Variants in LDB2 observed in about 807,000 individuals in gnomAD.
The protein encoded by LDB2 is LIM domain binding 2, also known as LIM domain-binding protein 2.
LDB2 carries 12 observed loss-of-function variants against 44.3 expected under a neutral mutation model. The ratio of observed to expected loss-of-function variants is 0.27; its 90% CI spans 0.17 to 0.44. The LOEUF (loss-of-function observed/expected upper bound fraction) is 0.44. Ranked by LOEUF, LDB2 falls within the 20% of genes least tolerant of loss-of-function variation. The pLI, the probability that LDB2 is intolerant of heterozygous loss-of-function variation, is 1.00. For synonymous variants in LDB2, 164 were observed against 174.8 expected (o/e 0.94, Z 0.49); for missense variants, 344 against 473.5 (o/e 0.73, Z 2.54).
rs1385240583 is a variant in LDB2, at chr4:16,588,618, C to A, written c.531+92G>T. 3.1e-5 allele frequency: 42 copies of A among 1,343,042 alleles called. No homozygotes were observed. In the East Asian group the frequency reaches 9.5e-4, roughly 31 times the overall value. The allele number at this position is 1,343,042 out of a possible 1,614,324, so 83.2% of individuals were successfully genotyped here. On this transcript the variant is annotated intron_variant, in intron 4 of 7. Transcript: ENST00000304523. ...CTAAAGCGTGACAACTACTGGAATT[C>A]TTTCACAGAGAGAGGACTGGGTTTT...
intron 5 of LDB2, among the ~76,000 whole-genome samples, chr4:16,577,186 C>T (rs1712014444): frequency 6.6e-6 from 1 of 152,096 alleles, no homozygotes; most frequent in African/African-American, 2.4e-5. Context: ...AGGATGCCCA[C>T]TATTATCACT....
rs1579400109 is a variant in LDB2, at chr4:16,759,435, A to G, written c.133-175T>C. The stretch of plus-strand genomic sequence containing the variant: ...GTCACTCTTCAAATTAATTGCCTCA[A>G]ATAGGAACCAAATTCCAATTCAATA... On this transcript the variant is annotated intron_variant, in intron 1 of 7. Coordinates refer to ENST00000304523, the MANE Select transcript of LDB2 (RefSeq NM_001290.5). 5.1e-5 allele frequency: 29 copies of G among 569,968 alleles called. No individual in the cohort carries two copies. In the East Asian group the frequency reaches 7.0e-4, roughly 14 times the overall value. The allele number at this position is 569,968 out of a possible 1,614,324, so 35.3% of individuals were successfully genotyped here. A position where few individuals can be genotyped will look rare whatever the true frequency, so the allele number is the denominator to read the frequency against.
At chr4:16,806,961 T>C (rs1403170844) in intron 1 of LDB2, among the ~76,000 whole-genome samples, 1 of 152,222 alleles carries the variant, frequency 6.6e-6, no homozygotes, top group Non-Finnish European at 1.5e-5. Flanking sequence ...AAATGCTATA[T>C]ACACATTATT....
chr4:16,812,560 C>T (rs1191211238), intron 1 of LDB2, among the ~76,000 whole-genome samples: 2 of 137,290 alleles, frequency 1.5e-5, no homozygotes, highest in Non-Finnish European at 3.0e-5. Flanking sequence ...GTGATAAATA[C>T]TTGAGGCTGG....
chr4:16,695,304 G>A, intron 2 of LDB2, among the ~76,000 whole-genome samples: 1 of 151,966 alleles, frequency 6.6e-6, no homozygotes, highest in East Asian at 1.9e-4. Context: ...TGGGCGGTGG[G>A]CGGATCACCT....
intron 2 of LDB2, among the ~76,000 whole-genome samples, chr4:16,734,673 A>C (rs947093620): frequency 8.1e-5 from 12 of 149,042 alleles, no homozygotes; most frequent in African/African-American, 3.0e-4. Context: ...GATGAGGAAG[A>C]GCTGCTGCTG....
intron 1 of LDB2, among the ~76,000 whole-genome samples, chr4:16,816,575 A>AT (rs71181188): frequency 0.4 from 59,769 of 150,554 alleles, 12,345 homozygotes; most frequent in East Asian, 0.69. Flanking sequence ...CATCCAACTA[A>AT]TTTTTTTGTA....
chr4:16,828,497 G>A (rs1260641827), intron 1 of LDB2, among the ~76,000 whole-genome samples: 1 of 152,182 alleles, frequency 6.6e-6, no homozygotes, highest in Non-Finnish European at 1.5e-5. Context: ...ATGTGTGATT[G>A]TGTGTCTGTG....
intron 2 of LDB2, among the ~76,000 whole-genome samples, chr4:16,721,814 C>A (rs934738912): frequency 1.3e-5 from 2 of 151,972 alleles, no homozygotes; most frequent in Non-Finnish European, 2.9e-5. Context: ...AATCTAAAGC[C>A]GAAAGAGGGT....
At chr4:16,778,686 TTC>T (rs1483317915) in intron 1 of LDB2, among the ~76,000 whole-genome samples, 2 of 152,204 alleles carry the variant, frequency 1.3e-5, no homozygotes, top group Non-Finnish European at 2.9e-5. Flanking sequence ...TTGAAGTGTT[TTC>T]TCTCTCTCAG....
intron 1 of LDB2, among the ~76,000 whole-genome samples, chr4:16,796,738 A>G (rs906765998): frequency 1.6e-4 from 25 of 152,158 alleles, no homozygotes; most frequent in African/African-American, 5.8e-4. Flanking sequence ...ATCGTCACTA[A>G]TAAGCCATGT....
At chr4:16,855,708 A>T (rs1789225446) in intron 1 of LDB2, among the ~76,000 whole-genome samples, 1 of 152,148 alleles carries the variant, frequency 6.6e-6, no homozygotes, top group African/African-American at 2.4e-5. Flanking sequence ...GCTTCTTAAC[A>T]CTTAAAGCCT....
chr4:16,502,962 G>C lies in LDB2; in HGVS notation c.892-89C>G. 12 of 1,602,836 alleles carry C rather than the reference G, an allele frequency of 7.5e-6. No individual in the cohort carries two copies. The South Asian group carries it at 1.2e-4, about 16-fold the overall frequency. ...ACAGTGGGAGGAGTCGGGGAATCTA[G>C]GACAGACACACTCGTGTACTGTACA... On this transcript the variant is annotated intron_variant, in intron 7 of 7. Transcript: ENST00000304523.
At chr4:16,636,270 G>T (rs1003672078) in intron 2 of LDB2, among the ~76,000 whole-genome samples, 4 of 152,164 alleles carry the variant, frequency 2.6e-5, no homozygotes, top group Admixed American at 2.6e-4. Context: ...GTCCACTTGG[G>T]TGCATAAGGA....
At chr4:16,845,689 C>T (rs191152168) in intron 1 of LDB2, among the ~76,000 whole-genome samples, 1 of 152,310 alleles carries the variant, frequency 6.6e-6, no homozygotes, top group East Asian at 1.9e-4. Flanking sequence ...GGTAGGTCCT[C>T]TACTAGCTGG....
At chr4:16,530,845 G>C (rs1425450688) in intron 5 of LDB2, among the ~76,000 whole-genome samples, 1 of 152,140 alleles carries the variant, frequency 6.6e-6, no homozygotes, top group Non-Finnish European at 1.5e-5. Context: ...ACTCCATCTA[G>C]ACAGCATCAT....
intron 2 of LDB2, among the ~76,000 whole-genome samples, chr4:16,744,284 G>A (rs1763934793): frequency 6.6e-6 from 1 of 151,796 alleles, no homozygotes; most frequent in South Asian, 2.1e-4. Flanking sequence ...AGCCTCCCGA[G>A]TAATTGGGAT....
intron 1 of LDB2, among the ~76,000 whole-genome samples, chr4:16,844,405 A>G (rs1392913280): frequency 6.6e-6 from 1 of 151,952 alleles, no homozygotes; most frequent in Non-Finnish European, 1.5e-5. Context: ...CTAAAGCTTT[A>G]TTTACATTTC....
At chr4:16,872,292 A>C (rs1298854278) in intron 1 of LDB2, among the ~76,000 whole-genome samples, 2 of 151,848 alleles carry the variant, frequency 1.3e-5, no homozygotes, top group South Asian at 2.1e-4. Context: ...ATTTTTCTTC[A>C]TATTATTTTT....
Sources: allele counts gnomAD v4.1 joint callset (sites outside exome capture counted in the v4.1 genomes callset), GRCh38; gene constraint gnomAD v4.1.1; transcripts MANE v1.5; gene names NCBI Gene and HGNC (gene_info 2026-07-23, HGNC 2026-07-21).